Variants in PDE8B observed in about 807,000 individuals in gnomAD.
PDE8B encodes the protein high affinity cAMP-specific and IBMX-insensitive 3',5'-cyclic phosphodiesterase 8B.
In PDE8B, 26 loss-of-function variants were observed where a neutral mutation model predicts 101.3. That is an observed-to-expected ratio of 0.26 (90% CI 0.19 to 0.36). The LOEUF (loss-of-function observed/expected upper bound fraction) is 0.36, where lower values mean the gene tolerates loss of function less well. Ranked by LOEUF, PDE8B falls within the 10% of genes least tolerant of loss-of-function variation. The probability of loss-of-function intolerance (pLI) is 1.00; values close to 1 mark genes in which losing one functional copy is unlikely to be tolerated. For missense variants in PDE8B, 810 were observed against 1,163.1 expected, an observed-to-expected ratio of 0.70 and a Z score of 4.42; for synonymous variants, 424 against 429.3, an observed-to-expected ratio of 0.99 and a Z score of 0.15.
chr5:77,122,207 C>T, the PDE8B span, among the ~76,000 whole-genome samples: 24 of 152,298 alleles, frequency 1.6e-4, no homozygotes, highest in African/African-American at 5.3e-4. Context: ...ATGATCACTG[C>T]GATTGCCCAT....
chr5:77,270,942 G>T (rs1187702587), intron 1 of PDE8B, among the ~76,000 whole-genome samples: 1 of 150,972 alleles, frequency 6.6e-6, no homozygotes, highest in Non-Finnish European at 1.5e-5. Context: ...GTAGATCCTA[G>T]GCTCACCCCT....
At chr5:77,186,037 G>A in the PDE8B span, among the ~76,000 whole-genome samples, 2 of 152,176 alleles carry the variant, frequency 1.3e-5, no homozygotes, top group South Asian at 2.1e-4. Flanking sequence ...TCTATGTAAA[G>A]TGGTTGGTAC....
chr5:77,244,388 C>T (rs1756435202), intron 1 of PDE8B, among the ~76,000 whole-genome samples: 1 of 151,972 alleles, frequency 6.6e-6, no homozygotes, highest in South Asian at 2.1e-4. Context: ...CACAGGGTCA[C>T]GTATAGAGAT....
chr5:77,300,092 G>T (rs1769575794), intron 1 of PDE8B, among the ~76,000 whole-genome samples: 1 of 152,220 alleles, frequency 6.6e-6, no homozygotes, highest in Non-Finnish European at 1.5e-5. Flanking sequence ...GTTCTGCAGT[G>T]TAGGCATTTT....
At chr5:77,289,664 A>G (rs545485650) in intron 1 of PDE8B, among the ~76,000 whole-genome samples, 1 of 152,360 alleles carries the variant, frequency 6.6e-6, no homozygotes, top group Non-Finnish European at 1.5e-5. Flanking sequence ...TAAAATGAAA[A>G]GGTTGGACAA....
chr5:77,365,891 C>T (rs529892333), intron 10 of PDE8B, among the ~76,000 whole-genome samples: 5 of 152,320 alleles, frequency 3.3e-5, no homozygotes, highest in Non-Finnish European at 7.4e-5. Context: ...GCTGGGCAGT[C>T]AGCCCTCTTC....
intron 1 of PDE8B, among the ~76,000 whole-genome samples, chr5:77,292,661 G>GT (rs1227821728): frequency 2.6e-5 from 4 of 152,130 alleles, no homozygotes; most frequent in African/African-American, 9.7e-5. Flanking sequence ...GCCCATTTGT[G>GT]TATTTGTTTT....
In PDE8B at chr5:77,290,339, G is replaced by C; in HGVS notation, c.340-21655G>C. ...AGGTGGGGCTCCGAGAGGAAAATGA[G>C]GGCGTGTATAATGGAAGCTGGGGAG... On this transcript the variant is annotated intron_variant, in intron 1 of 21. Transcript: ENST00000264917. 3 of 1,470,644 alleles carry C rather than the reference G, an allele frequency of 2.0e-6. No individual in the cohort carries two copies. The South Asian group carries it at 3.4e-5, about 17-fold the overall frequency. 91.1% of individuals were successfully genotyped at this position (1,470,644 alleles called of 1,614,324 possible).
chr5:77,183,983 A>ATTTT, the PDE8B span, among the ~76,000 whole-genome samples: 769 of 143,314 alleles, frequency 5.4e-3, 5 homozygotes, highest in African/African-American at 0.021. Context: ...TTTTTTTTAA[A>ATTTT]AAAAAACAGA....
At chr5:77,233,960 G>A (rs1430303786) in intron 1 of PDE8B, among the ~76,000 whole-genome samples, 2 of 152,004 alleles carry the variant, frequency 1.3e-5, no homozygotes, top group Non-Finnish European at 2.9e-5. Flanking sequence ...CTGAGCACCT[G>A]CTTTGTGCTG....
chr5:77,158,488 C>T, the PDE8B span, among the ~76,000 whole-genome samples: 1 of 152,164 alleles, frequency 6.6e-6, no homozygotes, highest in South Asian at 2.1e-4. Flanking sequence ...GCAAGAGCAA[C>T]TGGGAGGTCA....
chr5:77,159,101 C>T, the PDE8B span, among the ~76,000 whole-genome samples: 1,197 of 152,246 alleles, frequency 7.9e-3, 16 homozygotes, highest in African/African-American at 0.026. Context: ...TTGACTATGT[C>T]GCCCTCTACC....
At chr5:77,260,515 C>A (rs1267441953) in intron 1 of PDE8B, among the ~76,000 whole-genome samples, 1 of 150,934 alleles carries the variant, frequency 6.6e-6, no homozygotes, top group East Asian at 1.9e-4. Context: ...GTTGCATAGA[C>A]TTGAATTTCA....
At chr5:77,195,019 C>G in the PDE8B span, among the ~76,000 whole-genome samples, 20 of 152,294 alleles carry the variant, frequency 1.3e-4, no homozygotes, top group Non-Finnish European at 2.2e-4. Context: ...CCAAACTGTT[C>G]TCCACACTGG....
intron 1 of PDE8B, among the ~76,000 whole-genome samples, chr5:77,258,971 G>A (rs1759795983): frequency 6.6e-6 from 1 of 150,492 alleles, no homozygotes; most frequent in South Asian, 2.1e-4. Flanking sequence ...TCTCTCTTTA[G>A]GTACTGAATA....
At chr5:77,187,573 C>G in the PDE8B span, among the ~76,000 whole-genome samples, 1 of 152,016 alleles carries the variant, frequency 6.6e-6, no homozygotes, top group African/African-American at 2.4e-5. Flanking sequence ...CTTAGTGATA[C>G]ATAAAGTGAT....
chr5:77,315,150 G>A (rs760951227), intron 2 of PDE8B, among the ~76,000 whole-genome samples: 3 of 152,024 alleles, frequency 2.0e-5, no homozygotes, highest in Non-Finnish European at 4.4e-5. Flanking sequence ...TCTGGCTTTT[G>A]AACAATAATT....
intron 14 of PDE8B, among the ~76,000 whole-genome samples, chr5:77,411,403 T>C (rs1240135240): frequency 6.6e-6 from 1 of 152,180 alleles, no homozygotes; most frequent in Non-Finnish European, 1.5e-5. Context: ...GAAGATGGCC[T>C]CAGAACAGAG....
chr5:77,397,026 A>ATTTTTTTTTTTTTTTTTTTTTTTTT lies in PDE8B; in HGVS notation c.1168-3198_1168-3197insTTTTTTTTTTTTTTTTTTTTTTTTT, dbSNP rs71606290. 2.0e-3 allele frequency among the ~76,000 whole-genome samples: 166 copies of ATTTTTTTTTTTTTTTTTTTTTTTTT among 84,382 alleles called. 12 individuals are homozygous for ATTTTTTTTTTTTTTTTTTTTTTTTT. Among genetic ancestry groups the ATTTTTTTTTTTTTTTTTTTTTTTTT allele is most frequent in the Middle Eastern group, 7.2e-3 (1 of 138 alleles). The allele number at this position is 84,382 out of a possible 152,430, so 55.4% of individuals were successfully genotyped here. On this transcript the variant is annotated intron_variant, in intron 10 of 21. Coordinates refer to ENST00000264917, the MANE Select transcript of PDE8B (RefSeq NM_003719.5). The stretch of plus-strand genomic sequence containing the variant: ...TTGGTTTCTATATTTCCGATAAGAA[A>ATTTTTTTTTTTTTTTTTTTTTTTTT]TTTTTTTTTTTTTTTTTTTTTTTTG...
Sources: allele counts gnomAD v4.1 joint callset (sites outside exome capture counted in the v4.1 genomes callset), GRCh38; gene constraint gnomAD v4.1.1; transcripts MANE v1.5; gene names NCBI Gene and HGNC (gene_info 2026-07-23, HGNC 2026-07-21).